PIBF1: variants seen among roughly 807,000 people sequenced by gnomAD.
PIBF1 encodes progesterone-induced-blocking factor 1.
PIBF1 carries 90 observed loss-of-function variants against 112.5 expected under a neutral mutation model. The observed-to-expected ratio is 0.80, with a 90% CI of 0.67 to 0.95. The LOEUF is 0.95. PIBF1 is among the 40% of genes least tolerant of loss of function. PIBF1 has a pLI of 0.00. For missense variants in PIBF1, 915 were observed against 852.3 expected, an observed-to-expected ratio of 1.07 and a Z score of -0.92; for synonymous variants, 301 against 288.6, an observed-to-expected ratio of 1.04 and a Z score of -0.44.
chr13:72,814,563 T>G (rs2036179569), intron 5 of PIBF1, among the ~76,000 whole-genome samples: 1 of 151,668 alleles, frequency 6.6e-6, no homozygotes, highest in African/African-American at 2.4e-5. Context: ...AACCAGAGAT[T>G]AAAGATGAGG....
At chr13:72,793,201 A>G (rs2035024337) in intron 3 of PIBF1, among the ~76,000 whole-genome samples, 2 of 152,238 alleles carry the variant, frequency 1.3e-5, no homozygotes. Flanking sequence ...ACAAAATCAA[A>G]TCATACCTCT....
At chr13:73,015,791 G>A (rs1281038499) in intron 17 of PIBF1, 78 bp from the exon 18 acceptor site, 9 of 701,188 alleles carry the variant, frequency 1.3e-5, no homozygotes. Context: ...AAACCTCAAT[G>A]TATATAGTTC....
chr13:72,883,037 A>G (rs930827695), intron 10 of PIBF1, among the ~76,000 whole-genome samples: 3 of 152,238 alleles, frequency 2.0e-5, no homozygotes, highest in African/African-American at 7.2e-5. Context: ...CTGCACTTCC[A>G]TACTTATTGC....
intron 9 of PIBF1, among the ~76,000 whole-genome samples, chr13:72,847,099 C>T (rs575627900): frequency 2.6e-5 from 4 of 152,238 alleles, no homozygotes; most frequent in African/African-American, 2.4e-5. Flanking sequence ...GATATGTTAC[C>T]TTTTATCCTG....
intron 9 of PIBF1, among the ~76,000 whole-genome samples, chr13:72,849,088 C>T (rs1347164460): frequency 6.6e-6 from 1 of 152,142 alleles, no homozygotes; most frequent in Non-Finnish European, 1.5e-5. Flanking sequence ...TTATTTTCTT[C>T]AATCTTTCCT....
intron 9 of PIBF1, chr13:72,836,030 C>G (rs1252394878): frequency 4.8e-6 from 2 of 412,940 alleles, no homozygotes; most frequent in African/African-American, 4.3e-5. Context: ...ACCGGGGACA[C>G]AGAGCTTGCA....
chr13:72,813,212 G>T (rs1338632499), intron 5 of PIBF1, among the ~76,000 whole-genome samples: 1 of 152,104 alleles, frequency 6.6e-6, no homozygotes, highest in Non-Finnish European at 1.5e-5. Flanking sequence ...CTACTGAATA[G>T]AATAAGCATT....
At chr13:72,817,774 T>G (rs893480754) in intron 5 of PIBF1, among the ~76,000 whole-genome samples, 1 of 152,176 alleles carries the variant, frequency 6.6e-6, no homozygotes, top group Non-Finnish European at 1.5e-5. Context: ...TCTTTTCTAC[T>G]CTCTATAGCT....
intron 17 of PIBF1, among the ~76,000 whole-genome samples, chr13:73,012,163 CCAA>C (rs2044223409): frequency 6.6e-6 from 1 of 152,026 alleles, no homozygotes; most frequent in African/African-American, 2.4e-5. Context: ...ACCAGCCTGA[CCAA>C]CATGGTGAAA....
intron 16 of PIBF1, among the ~76,000 whole-genome samples, chr13:72,980,748 T>G (rs1478943016): frequency 3.4e-5 from 5 of 148,676 alleles, no homozygotes; most frequent in Admixed American, 6.7e-5. Flanking sequence ...GAGGTTGCAG[T>G]GAGCCAAGAT....
intron 9 of PIBF1, among the ~76,000 whole-genome samples, chr13:72,850,427 A>G (rs1447911340): frequency 6.6e-6 from 1 of 152,238 alleles, no homozygotes; most frequent in Non-Finnish European, 1.5e-5. Context: ...AGTACTTAAC[A>G]TAGTACCCGC....
intron 8 of PIBF1, 53 bp downstream of exon 8, chr13:72,827,967 T>C: frequency 7.6e-7 from 1 of 1,307,524 alleles, no homozygotes; most frequent in Non-Finnish European, 1.0e-6. Flanking sequence ...CAGATTTTCT[T>C]TGAGGGAACT....
intron 12 of PIBF1, among the ~76,000 whole-genome samples, chr13:72,909,129 G>C (rs1260646325): frequency 6.6e-6 from 1 of 152,012 alleles, no homozygotes; most frequent in Non-Finnish European, 1.5e-5. Flanking sequence ...ATAAAATTCT[G>C]TATTTCAAAT....
At chr13:72,822,054 C>A in intron 6 of PIBF1, 72 bp downstream of exon 6, 1 of 1,340,408 alleles carries the variant, frequency 7.5e-7, no homozygotes, top group Non-Finnish European at 1.0e-6. Context: ...GAGTTTTTAC[C>A]AACAATCAGT....
At chr13:72,902,428 A>AG (rs2040528909) in intron 11 of PIBF1, among the ~76,000 whole-genome samples, 1 of 151,780 alleles carries the variant, frequency 6.6e-6, no homozygotes, top group Non-Finnish European at 1.5e-5. Context: ...AAAAAAAAAA[A>AG]AAGAATTGAT....
intron 9 of PIBF1, among the ~76,000 whole-genome samples, chr13:72,835,578 T>C (rs1189521275): frequency 9.6e-6 from 1 of 103,716 alleles, no homozygotes; most frequent in African/African-American, 4.0e-5. Flanking sequence ...TGCTCTGTTA[T>C]TCCTGTTATG....
intron 13 of PIBF1, among the ~76,000 whole-genome samples, chr13:72,924,339 G>A (rs1167949006): frequency 1.3e-5 from 2 of 152,084 alleles, no homozygotes. Flanking sequence ...GGCAATAGGT[G>A]TACCTTAATG....
At chr13:72,906,348 GTAT>G (rs1443559245) in intron 11 of PIBF1, among the ~76,000 whole-genome samples, 1 of 152,034 alleles carries the variant, frequency 6.6e-6, no homozygotes, top group Non-Finnish European at 1.5e-5. Flanking sequence ...GTTAATACAT[GTAT>G]TATTCAAAGG....
chr13:73,001,480 A>G (rs906224461), intron 17 of PIBF1, among the ~76,000 whole-genome samples: 3 of 151,288 alleles, frequency 2.0e-5, no homozygotes, highest in Non-Finnish European at 4.4e-5. Flanking sequence ...GAGCGTTTCC[A>G]TATGCATTGA....
Sources: allele counts gnomAD v4.1 joint callset (sites outside exome capture counted in the v4.1 genomes callset), GRCh38; gene constraint gnomAD v4.1.1; transcripts MANE v1.5; gene names NCBI Gene and HGNC (gene_info 2026-07-23, HGNC 2026-07-21).